COL27A1: variants seen among roughly 807,000 people sequenced by gnomAD.
The protein encoded by COL27A1 is collagen type XXVII alpha 1 chain.
Under a neutral mutation model 251.3 loss-of-function variants are expected in COL27A1, and 106 were observed. That is an observed-to-expected ratio of 0.42 (90% CI 0.36 to 0.50). The LOEUF is 0.50. Among genes scored for constraint, COL27A1 ranks in the 20% least tolerant of loss-of-function variants. COL27A1 has a pLI of 0.00. For missense variants in COL27A1, 2,325 were observed against 2,522.8 expected (o/e 0.92, Z 1.68); for synonymous variants, 1,000 against 986.3 (o/e 1.01, Z -0.26).
intron 14 of COL27A1, among the ~76,000 whole-genome samples, chr9:114,229,986 T>G (rs577036545): frequency 1.3e-5 from 2 of 152,294 alleles, no homozygotes; most frequent in African/African-American, 4.8e-5. Flanking sequence ...TTGTGACAAC[T>G]AAAAATGCCT....
At chr9:114,287,505 C>T (rs564277669) in intron 41 of COL27A1, among the ~76,000 whole-genome samples, 8 of 152,004 alleles carry the variant, frequency 5.3e-5, no homozygotes, top group South Asian at 2.1e-4. Context: ...TCTGTTCCGC[C>T]CCCCCCACCC....
intron 56 of COL27A1, among the ~76,000 whole-genome samples, chr9:114,303,188 T>C (rs1190406460): frequency 6.6e-6 from 1 of 152,134 alleles, no homozygotes; most frequent in East Asian, 1.9e-4. Context: ...AATTGAGTGC[T>C]TGCTCAATGC....
intron 5 of COL27A1, among the ~76,000 whole-genome samples, chr9:114,191,286 C>T (rs1564449577): frequency 6.6e-6 from 1 of 151,984 alleles, no homozygotes; most frequent in Admixed American, 6.6e-5. Flanking sequence ...AAGTTTCGGG[C>T]CACATGTGCA....
chr9:114,183,196 A>G, intron 5 of COL27A1, 121 bp downstream of exon 5: 6 of 919,570 alleles, frequency 6.5e-6, no homozygotes. Flanking sequence ...TTCCCGCCTA[A>G]GCCAGGGGCA....
chr9:114,158,530 C>T (rs141947514), intron 1 of COL27A1, among the ~76,000 whole-genome samples: 248 of 152,318 alleles, frequency 1.6e-3, no homozygotes, highest in South Asian at 4.4e-3. Context: ...TCCTGGCCTC[C>T]CTGGCCTCTG....
In COL27A1 at chr9:114,166,398, C is replaced by CCATCCATCCATCCATCCAT. The variant is rs1347413059; in HGVS notation, c.134-1290_134-1289insATCCATCCATCCATCCATC. 4.1e-4 allele frequency among the ~76,000 whole-genome samples: 60 copies of CCATCCATCCATCCATCCAT among 144,612 alleles called. 1 individual carries two copies. Among genetic ancestry groups the CCATCCATCCATCCATCCAT allele is most frequent in the East Asian group, 1.5e-3 (7 of 4,654 alleles). The allele number at this position is 144,612 out of a possible 152,430, so 94.9% of individuals were successfully genotyped here. On this transcript the variant is annotated intron_variant, in intron 2 of 60. Transcript: ENST00000356083. ...ATCCATCCATCCATCCATCCATCCA[C>CCATCCATCCATCCATCCAT]CCACCCACCTATCCATTTATCCATT...
intron 24 of COL27A1, 167 bp downstream of exon 24, chr9:114,246,077 C>T (rs938721731): frequency 1.7e-6 from 1 of 577,028 alleles, no homozygotes; most frequent in Middle Eastern, 2.6e-4. Flanking sequence ...CGGTGACCCT[C>T]AGAACGGGGA....
intron 5 of COL27A1, among the ~76,000 whole-genome samples, chr9:114,188,742 A>G (rs978182249): frequency 6.6e-6 from 1 of 152,208 alleles, no homozygotes; most frequent in African/African-American, 2.4e-5. Flanking sequence ...GAAAGGTTAA[A>G]CTGATTTATG....
At chr9:114,198,651 A>G (rs1829332517) in intron 7 of COL27A1, among the ~76,000 whole-genome samples, 1 of 152,198 alleles carries the variant, frequency 6.6e-6, no homozygotes, top group East Asian at 1.9e-4. Flanking sequence ...AGGCTGATTG[A>G]AACAGTTTCT....
At chr9:114,301,422 C>G in intron 53 of COL27A1, 23 bp from the exon 54 acceptor site, 1 of 1,612,324 alleles carries the variant, frequency 6.2e-7, no homozygotes, top group Non-Finnish European at 8.5e-7. Flanking sequence ...CTAACTCTCT[C>G]CCCTGCTTCT....
chr9:114,165,795 C>T (rs922081779), intron 2 of COL27A1, among the ~76,000 whole-genome samples: 8 of 151,536 alleles, frequency 5.3e-5, no homozygotes, highest in Non-Finnish European at 1.0e-4. Context: ...ATTCATCCAC[C>T]TACCCATCCA....
chr9:114,252,761 G>A, intron 26 of COL27A1, 115 bp downstream of exon 26: 2 of 1,401,672 alleles, frequency 1.4e-6, no homozygotes, highest in Non-Finnish European at 2.0e-6. Flanking sequence ...CTCCCTCTTT[G>A]TCCAGGGGGC....
At chr9:114,205,294 C>G in intron 8 of COL27A1, 148 bp downstream of exon 8, 1 of 675,666 alleles carries the variant, frequency 1.5e-6, no homozygotes, top group Non-Finnish European at 2.5e-6. Flanking sequence ...CCCCAGCCCA[C>G]TCCAGTCCAC....
chr9:114,308,282 G>C (rs979887774), intron 59 of COL27A1, among the ~76,000 whole-genome samples: 3 of 152,178 alleles, frequency 2.0e-5, no homozygotes, highest in African/African-American at 2.4e-5. Context: ...CAGCTCCCTC[G>C]CCCAGGGATC....
intron 27 of COL27A1, among the ~76,000 whole-genome samples, chr9:114,253,370 G>GAAGAAAGA (rs1275279343): frequency 9.9e-6 from 1 of 100,916 alleles, no homozygotes; most frequent in African/African-American, 4.7e-5. Context: ...AAGAAAGAAA[G>GAAGAAAGA]ACGAAAGAAA....
intron 33 of COL27A1, among the ~76,000 whole-genome samples, chr9:114,267,151 A>C (rs573330351): frequency 6.6e-6 from 1 of 152,272 alleles, no homozygotes; most frequent in South Asian, 2.1e-4. Context: ...GGTTAGAATC[A>C]CTTGGCCCTA....
At chr9:114,246,550 C>T (rs772246652) in intron 24 of COL27A1, among the ~76,000 whole-genome samples, 5 of 152,194 alleles carry the variant, frequency 3.3e-5, no homozygotes, top group Non-Finnish European at 5.9e-5. Context: ...CCTCTTGGCT[C>T]CAAGGTGGAG....
chr9:114,202,856 C>T (rs1401952296), intron 7 of COL27A1, among the ~76,000 whole-genome samples: 1 of 152,128 alleles, frequency 6.6e-6, no homozygotes, highest in Non-Finnish European at 1.5e-5. Context: ...TCCCCAATGC[C>T]GTGTTCTCTG....
Position 114,167,968 on chromosome 9 carries a change from A to T in COL27A1, c.413A>T (p.His138Leu), listed in dbSNP as rs746153745. Reference sequence around the variant, plus strand: ...TTCCTCCCCGGCAAGACGGTCGTCCACCTCGGGTCCCGGCGCTCAGTGGCC... The same window carrying T: ...TTCCTCCCCGGCAAGACGGTCGTCCTCCTCGGGTCCCGGCGCTCAGTGGCC... ...LQFLPGKTVV[H>L]LGSRRSVAFD... Residue 138 changes from histidine (H) to leucine (L), a missense_variant, in exon 3 of 61, where the codon CAC (histidine) becomes CTC (leucine). Around this residue, in one of 4 missense-constraint regions of COL27A1, gnomAD observed 1,183 missense variants for 1,144.1 expected, o/e 1.03. Transcript: ENST00000356083. 1 of 1,606,620 alleles carries T rather than the reference A, an allele frequency of 6.2e-7. No individual in the cohort carries two copies. Among genetic ancestry groups the T allele is most frequent in the African/African-American group, 1.3e-5 (1 of 74,906 alleles).
Sources: gnomAD v4.1 joint callset for allele counts (sites outside exome capture counted in the v4.1 genomes callset) on GRCh38, gnomAD v4.1.1 for gene constraint, gnomAD v4.1.1 regional missense constraint, MANE v1.5 for transcripts, NCBI Gene and HGNC (gene_info 2026-07-23, HGNC 2026-07-21) for gene names.